The following EIPR1 variants were observed in gnomAD, a reference collection of about 807,000 sequenced individuals.
EIPR1 encodes the protein EARP complex and GARP complex interacting protein 1.
Under a neutral mutation model 48.1 loss-of-function variants are expected in EIPR1, and 25 were observed. That is an observed-to-expected ratio of 0.52 (90% CI 0.38 to 0.73). The LOEUF is 0.73. Among genes scored for constraint, EIPR1 ranks in the 30% least tolerant of loss-of-function variants. The probability of loss-of-function intolerance (pLI) is 0.00; values close to 1 mark genes in which losing one functional copy is unlikely to be tolerated. For synonymous variants in EIPR1, 204 were observed against 201.9 expected, an observed-to-expected ratio of 1.01 and a Z score of -0.09; for missense variants, 415 against 506.2, an observed-to-expected ratio of 0.82 and a Z score of 1.73.
intron 3 of EIPR1, among the ~76,000 whole-genome samples, chr2:3,328,828 A>G (rs1669786517): frequency 7.5e-6 from 1 of 133,680 alleles, no homozygotes; most frequent in Non-Finnish European, 1.6e-5. Context: ...ACCACGCTCT[A>G]ATGATCTCAG....
At chr2:3,224,545 C>A (rs1665997379) in intron 4 of EIPR1, among the ~76,000 whole-genome samples, 1 of 152,132 alleles carries the variant, frequency 6.6e-6, no homozygotes, top group South Asian at 2.1e-4. Context: ...TGCTGCAGGG[C>A]CCCATGATCA....
intron 3 of EIPR1, chr2:3,282,890 GCA>G (rs886884911): frequency 1.4e-4 from 21 of 152,370 alleles, no homozygotes; most frequent in African/African-American, 4.3e-4. Flanking sequence ...CAAACAAAAT[GCA>G]CAGAGTAGGA....
intron 5 of EIPR1, among the ~76,000 whole-genome samples, chr2:3,199,654 G>A (rs1664943702): frequency 1.4e-5 from 2 of 141,142 alleles, no homozygotes; most frequent in Non-Finnish European, 3.1e-5. Flanking sequence ...CAGCTATGGG[G>A]GGCGTGTCCA....
At chr2:3,357,356 C>G (rs181991917) in intron 1 of EIPR1, among the ~76,000 whole-genome samples, 1 of 152,342 alleles carries the variant, frequency 6.6e-6, no homozygotes, top group African/African-American at 2.4e-5. Flanking sequence ...GACCCAGTGG[C>G]TGTTGCTGGA....
intron 2 of EIPR1, among the ~76,000 whole-genome samples, chr2:3,339,952 C>A (rs1043064451): frequency 6.6e-6 from 1 of 152,168 alleles, no homozygotes; most frequent in African/African-American, 2.4e-5. Context: ...TCCGTCTCAA[C>A]AACAACAAAA....
rs1572390276 is a variant in EIPR1, at chr2:3,279,651, GA to G, written c.260-22197del. ...TAAGAGATAAGGTAGACACTCAACA[GA>G]AGCGAGTTTAAAGAAGGTATGGAAT... On this transcript the variant is annotated intron_variant, in intron 3 of 8. Transcript: ENST00000382125. Among the ~76,000 whole-genome samples, 7 of 152,378 alleles carry G rather than the reference GA, an allele frequency of 4.6e-5. No homozygotes were observed. In the East Asian group the frequency reaches 1.3e-3, roughly 29 times the overall value.
chr2:3,196,996 C>T lies in EIPR1; in HGVS notation c.538G>A (p.Glu180Lys). 1 of 1,613,898 alleles carries T rather than the reference C, an allele frequency of 6.2e-7. No homozygotes were observed. Among genetic ancestry groups the T allele is most frequent in the Non-Finnish European group, 8.5e-7 (1 of 1,180,004 alleles). Reference protein sequence around the residue: ...QAVLASSASLEGKGQLKFTSG... With the variant: ...QAVLASSASLKGKGQLKFTSG... Reference sequence around the variant, plus strand: ...GTGAACTTCAGTTGTCCCTTCCCTTCCAGGGACGCTGAGCTGGCCAGCTGG... The same window carrying T: ...GTGAACTTCAGTTGTCCCTTCCCTTTCAGGGACGCTGAGCTGGCCAGCTGG... The change falls in exon 6 of 9, where the codon GAA becomes AAA. Residue 180 changes from glutamate to lysine, a missense_variant. Physicochemically the swap from Glu to Lys is moderately conservative, Grantham distance 56. Transcript: ENST00000382125.
In EIPR1 at chr2:3,286,009, T is replaced by C. The variant is rs1236436814; in HGVS notation, c.260-28554A>G. Among the ~76,000 whole-genome samples, 2 of 152,164 alleles carry C rather than the reference T, an allele frequency of 1.3e-5. No individual in the cohort carries two copies. Among genetic ancestry groups the C allele is most frequent in the African/African-American group, 2.4e-5 (1 of 41,436 alleles). The stretch of plus-strand genomic sequence containing the variant: ...GAAGCAGTGCCCTGCCCTGAGGACA[T>C]GGGGCAGCCGGCTGTAGGTGTTCCA... On this transcript the variant is annotated intron_variant, in intron 3 of 8. Transcript: ENST00000382125. The surrounding 1 kb of genome is among the most constrained non-coding windows in gnomAD (Gnocchi z 4.2).
At chr2:3,229,249 G>A (rs997070701) in intron 4 of EIPR1, among the ~76,000 whole-genome samples, 1 of 152,216 alleles carries the variant, frequency 6.6e-6, no homozygotes, top group Admixed American at 6.5e-5. Flanking sequence ...GTCACTCCTT[G>A]AAAACAATAA....
chr2:3,234,139 G>C (rs1666325728), intron 4 of EIPR1, among the ~76,000 whole-genome samples: 1 of 152,138 alleles, frequency 6.6e-6, no homozygotes, highest in Non-Finnish European at 1.5e-5. Flanking sequence ...ATTACTGCTA[G>C]AATTAAAAAT....
intron 3 of EIPR1, among the ~76,000 whole-genome samples, chr2:3,271,996 G>A (rs1558265246): frequency 6.6e-6 from 1 of 152,228 alleles, no homozygotes; most frequent in African/African-American, 2.4e-5. Flanking sequence ...ACTTGCTGCA[G>A]CTTCTCCATC....
chr2:3,361,701 C>T (rs754564552), intron 1 of EIPR1, among the ~76,000 whole-genome samples: 5 of 147,984 alleles, frequency 3.4e-5, no homozygotes, highest in East Asian at 2.0e-4. Flanking sequence ...CCCAATCCTG[C>T]CCTTGGACTC....
chr2:3,230,596 T>C (rs959181273), intron 4 of EIPR1, among the ~76,000 whole-genome samples: 3 of 152,232 alleles, frequency 2.0e-5, no homozygotes, highest in African/African-American at 7.2e-5. Context: ...ACTATACCAT[T>C]TATTGAAGAG....
chr2:3,210,723 A>G (rs1234686501), intron 5 of EIPR1, among the ~76,000 whole-genome samples: 5 of 147,124 alleles, frequency 3.4e-5, no homozygotes, highest in Non-Finnish European at 7.4e-5. Flanking sequence ...TCCACCTCCC[A>G]GGTTCAAGCA....
chr2:3,226,725 A>T (rs1269582430), intron 4 of EIPR1, among the ~76,000 whole-genome samples: 4 of 152,188 alleles, frequency 2.6e-5, no homozygotes, highest in Non-Finnish European at 5.9e-5. Flanking sequence ...TTCTCACCCA[A>T]ATCTCATGTC....
At chr2:3,364,445 C>A (rs962984488) in intron 1 of EIPR1, among the ~76,000 whole-genome samples, 2 of 151,812 alleles carry the variant, frequency 1.3e-5, no homozygotes, top group Admixed American at 1.3e-4. Flanking sequence ...GCCTGGGCAA[C>A]ATGATGAAAT....
chr2:3,218,765 CACTCT>C, intron 4 of EIPR1, among the ~76,000 whole-genome samples: 1 of 140,468 alleles, frequency 7.1e-6, no homozygotes, highest in African/African-American at 2.7e-5. Context: ...GACCCTGATA[CACTCT>C]AGAGCGTTCA....
At chr2:3,318,869 C>T (rs765174759) in intron 3 of EIPR1, 1 of 471,240 alleles carries the variant, frequency 2.1e-6, no homozygotes, top group South Asian at 1.5e-5. Flanking sequence ...GCGACCTGTC[C>T]CCTGAAGAAG....
chr2:3,198,905 A>G (rs1170425188), intron 5 of EIPR1, among the ~76,000 whole-genome samples: 1 of 152,088 alleles, frequency 6.6e-6, no homozygotes, highest in African/African-American at 2.4e-5. Context: ...ACATCTTAAC[A>G]GGGTTCAAGA....
Sources: allele counts gnomAD v4.1 joint callset (sites outside exome capture counted in the v4.1 genomes callset), GRCh38; gene constraint gnomAD v4.1.1; non-coding constraint Gnocchi (gnomAD v3.1); transcripts MANE v1.5; gene names NCBI Gene and HGNC (gene_info 2026-07-23, HGNC 2026-07-21).